The following CFAP251 variants were observed in gnomAD, a reference collection of about 807,000 sequenced individuals.
The protein encoded by CFAP251 is cilia and flagella associated protein 251.
In CFAP251, 93 loss-of-function variants were observed where a neutral mutation model predicts 126.7. That is an observed-to-expected ratio of 0.73 (90% CI 0.62 to 0.87). The LOEUF (loss-of-function observed/expected upper bound fraction) is 0.87. Ranked by LOEUF, CFAP251 falls within the 40% of genes least tolerant of loss-of-function variation. The probability of loss-of-function intolerance (pLI) is 0.00; values close to 1 mark genes in which losing one functional copy is unlikely to be tolerated. For synonymous variants in CFAP251, 503 were observed against 506.9 expected (o/e 0.99, Z 0.10); for missense variants, 1,287 against 1,389.2 (o/e 0.93, Z 1.17).
intron 5 of CFAP251, 133 bp downstream of exon 5, chr12:121,934,489 T>C: frequency 1.5e-6 from 1 of 650,044 alleles, no homozygotes. Context: ...GACTGGCTTA[T>C]GCTGACTCAC....
rs1882169014 is a variant in CFAP251, at chr12:121,967,077, C to T, written c.2607+8C>T. ...TTTATTAACAGAGACAAGGTAACAG[C>T]GCTCTCTTCTCCAGTTCTGGGAGTT... On this transcript the variant is annotated splice_region_variant and intron_variant, in intron 16 of 21. Transcript: ENST00000288912. The T allele has an allele frequency of 1.9e-6, 3 of 1,609,246 alleles. No homozygotes were observed. Among genetic ancestry groups the T allele is most frequent in the African/African-American group, 1.3e-5 (1 of 74,928 alleles).
In CFAP251 at chr12:121,960,702, G is replaced by T. The variant is rs764930594; in HGVS notation, c.2251G>T (p.Val751Phe). 2.4e-5 allele frequency: 38 copies of T among 1,613,876 alleles called. No individual in the cohort carries two copies. Among genetic ancestry groups the T allele is most frequent in the Middle Eastern group, 1.7e-4 (1 of 6,042 alleles). The part of the protein sequence containing the change: ...RKSIRSLLFG[V>F]YLDSNEPRLL... Reference sequence around the variant, plus strand: ...AAGCATTCGAAGTCTCCTGTTTGGGGTTTACCTGGACAGCAATGAGCCTAG... The same window carrying T: ...AAGCATTCGAAGTCTCCTGTTTGGGTTTTACCTGGACAGCAATGAGCCTAG... Residue 751 changes from valine (V) to phenylalanine (F), a missense_variant, in exon 14 of 22, where the codon GTT becomes TTT. Val to Phe is a conservative substitution (Grantham distance 50). Coordinates refer to ENST00000288912, the MANE Select transcript of CFAP251 (RefSeq NM_144668.6).
rs768651418 is a variant in CFAP251 at position 121,931,895 on chromosome 12, G to C, written c.888+9G>C. On this transcript the variant is annotated intron_variant, in intron 4 of 21. Transcript: ENST00000288912. ...ATCAATACCACCTTCAGGTATGCAG[G>C]GATTTCCTTCCTACAGGTGGGGGAG... 5 of 1,528,602 alleles carry C rather than the reference G, an allele frequency of 3.3e-6. No individual in the cohort carries two copies. In the East Asian group the frequency reaches 7.5e-5, roughly 23 times the overall value. 94.7% of individuals were successfully genotyped at this position (1,528,602 alleles called of 1,614,324 possible).
intron 13 of CFAP251, 72 bp downstream of exon 13, chr12:121,959,166 G>A (rs1326384565): frequency 9.0e-6 from 13 of 1,439,900 alleles, no homozygotes; most frequent in East Asian, 2.3e-5. Context: ...GCCAGACATA[G>A]TAGCTAACAC....
At chr12:121,943,294 C>A (rs1881198752) in intron 7 of CFAP251, among the ~76,000 whole-genome samples, 1 of 152,142 alleles carries the variant, frequency 6.6e-6, no homozygotes, top group African/African-American at 2.4e-5. Flanking sequence ...GCCTCGGTGA[C>A]AAAGTGAGAC....
chr12:121,966,885 G>A (rs773023440), intron 15 of CFAP251, 70 bp from the exon 16 acceptor site: 41 of 1,492,192 alleles, frequency 2.7e-5, no homozygotes, highest in Non-Finnish European at 3.6e-5. Context: ...CGCCTGGCCC[G>A]ACCAAAGAAT....
chr12:121,973,460 T>C (rs2135797915), intron 17 of CFAP251, among the ~76,000 whole-genome samples: 1 of 152,246 alleles, frequency 6.6e-6, no homozygotes, highest in Admixed American at 6.5e-5. Flanking sequence ...CTAGTGGAGC[T>C]GTGAGAAGAG....
chr12:121,936,959 G>A (rs1027735515), intron 5 of CFAP251, among the ~76,000 whole-genome samples: 1 of 152,196 alleles, frequency 6.6e-6, no homozygotes, highest in Non-Finnish European at 1.5e-5. Context: ...GTGGGCTCTG[G>A]CGTCCACCTG....
rs1565912993 is a variant in CFAP251, at chr12:121,958,464, T to C, written c.1923T>C (p.Leu641=). ...KVWNYENKQY[L]FSRVFEKGLG... ...GGAATTATGAAAACAAACAATATCT[T>C]TTCAGCAGGGTTTTTGAGAAGGGGC... The change falls in exon 12 of 22, where the codon CTT becomes CTC. Residue 641 remains leucine (L), a synonymous_variant. Transcript: ENST00000288912. 5 of 1,614,136 alleles carry C rather than the reference T, an allele frequency of 3.1e-6. No homozygotes were observed. Among genetic ancestry groups the C allele is most frequent in the Non-Finnish European group, 3.4e-6 (4 of 1,180,048 alleles).
intron 8 of CFAP251, 116 bp from the exon 9 acceptor site, chr12:121,951,364 G>T: frequency 1.7e-6 from 1 of 602,452 alleles, no homozygotes; most frequent in Non-Finnish European, 2.8e-6. Flanking sequence ...CTTACCTGTA[G>T]AAACTGCAAA....
Position 121,967,072 on chromosome 12 carries a change from A to G in CFAP251, c.2607+3A>G, listed in dbSNP as rs912391034. ...TGGTGTTTATTAACAGAGACAAGGT[A>G]ACAGCGCTCTCTTCTCCAGTTCTGG... On this transcript the variant is annotated splice_donor_region_variant and intron_variant, in intron 16 of 21. Transcript: ENST00000288912. The G allele has an allele frequency of 1.9e-6, 3 of 1,612,650 alleles. No homozygotes were observed. Among genetic ancestry groups the G allele is most frequent in the Non-Finnish European group, 2.5e-6 (3 of 1,178,578 alleles).
chr12:121,973,039 C>G (rs1207093332), intron 17 of CFAP251, among the ~76,000 whole-genome samples: 1 of 152,220 alleles, frequency 6.6e-6, no homozygotes, highest in Non-Finnish European at 1.5e-5. Context: ...TGTCAGACAT[C>G]TTCTTGGCAG....
chr12:121,943,580 G>A (rs952230384), intron 7 of CFAP251, among the ~76,000 whole-genome samples: 12 of 151,750 alleles, frequency 7.9e-5, no homozygotes, highest in Admixed American at 1.3e-4. Flanking sequence ...GTGCCACCAC[G>A]CCTGGCTAAT....
Position 121,949,043 on chromosome 12 carries a change from G to T in CFAP251, c.1251G>T (p.Arg417=). The stretch of plus-strand genomic sequence containing the variant: ...AATTGGTGAGCAATAGTAAAACACG[G>T]GCAATATATTATGCATGGGTAAGCA... ...NKELVSNSKT[R]AIYYAWYEER... The change falls in exon 8 of 22, where the codon CGG becomes CGT. Residue 417 remains arginine, a synonymous_variant. Transcript: ENST00000288912. The T allele has an allele frequency of 6.3e-7, 1 of 1,585,492 alleles. No homozygotes were observed. Among genetic ancestry groups the T allele is most frequent in the Non-Finnish European group, 8.6e-7 (1 of 1,165,766 alleles).
At chr12:121,985,679 T>C (rs934322221) in intron 19 of CFAP251, among the ~76,000 whole-genome samples, 1 of 151,512 alleles carries the variant, frequency 6.6e-6, no homozygotes, top group Admixed American at 6.6e-5. Flanking sequence ...CAGGCTGGTC[T>C]CAAACTCCTG....
intron 17 of CFAP251, among the ~76,000 whole-genome samples, chr12:121,973,329 T>C (rs1007893032): frequency 3.3e-5 from 5 of 152,358 alleles, no homozygotes; most frequent in African/African-American, 9.6e-5. Context: ...TGGAAACACC[T>C]TGATGCCCAG....
intron 19 of CFAP251, among the ~76,000 whole-genome samples, chr12:121,991,489 GACTT>G (rs1220762968): frequency 4.6e-5 from 7 of 152,144 alleles, no homozygotes; most frequent in Non-Finnish European, 2.9e-5. Flanking sequence ...GTGACCTAGG[GACTT>G]ACAAGAAATG....
Position 121,964,148 on chromosome 12 carries a change from G to T in CFAP251, c.2492+1986G>T, listed in dbSNP as rs1403284220. Among the ~76,000 whole-genome samples the T allele has an allele frequency of 1.4e-4, 4 of 27,830 alleles. No homozygotes were observed. In the South Asian group the frequency reaches 3.2e-3, roughly 22 times the overall value. The allele number at this position is 27,830 out of a possible 152,430, so 18.3% of individuals were successfully genotyped here. ...AAAAGGCCAGGACCACCCGGGATTT[G>T]TTGTTGTTGTTGTTGTTGTTGTTGT... On this transcript the variant is annotated intron_variant, in intron 15 of 21. Coordinates refer to ENST00000288912, the MANE Select transcript of CFAP251 (RefSeq NM_144668.6).
intron 3 of CFAP251, among the ~76,000 whole-genome samples, 186 bp downstream of exon 3, chr12:121,924,176 C>G (rs1317315734): frequency 2.6e-5 from 4 of 152,080 alleles, no homozygotes; most frequent in Non-Finnish European, 5.9e-5. Context: ...GTGGCACGAT[C>G]TTGGCTCACT....
Sources: allele counts gnomAD v4.1 joint callset (sites outside exome capture counted in the v4.1 genomes callset), GRCh38; gene constraint gnomAD v4.1.1; transcripts MANE v1.5; gene names NCBI Gene and HGNC (gene_info 2026-07-23, HGNC 2026-07-21).